The following KIF26B variants were observed in gnomAD, a reference collection of about 807,000 sequenced individuals.
KIF26B encodes the protein kinesin family member 26B.
A neutral mutation model predicts 151.2 loss-of-function variants in KIF26B; 63 were observed. That is an observed-to-expected ratio of 0.42 (90% CI 0.34 to 0.51). The LOEUF is 0.51. Among genes scored for constraint, KIF26B ranks in the 20% least tolerant of loss-of-function variants. The probability of loss-of-function intolerance (pLI) is 0.07; values close to 1 mark genes in which losing one functional copy is unlikely to be tolerated. For synonymous variants in KIF26B, 1,357 were observed against 1,262.1 expected (o/e 1.08, Z -1.59); for missense variants, 2,813 against 2,913.6 (o/e 0.97, Z 0.79).
At position 245,611,774 on chromosome 1, in the gene KIF26B, C is replaced by G; in HGVS notation, c.1915-19C>G. On this transcript the variant is annotated intron_variant, in intron 8 of 14. Coordinates refer to ENST00000407071, the MANE Select transcript of KIF26B (RefSeq NM_018012.4). ...CCCTCCTCAGCCTGCAGCCTCATCT[C>G]TTGGCTTCTGTCTTCCAGCTGCAGA... is the stretch of plus-strand genomic sequence containing the variant. 4 of 1,611,040 alleles carry G rather than the reference C, an allele frequency of 2.5e-6. No homozygotes were observed. The highest frequency in any genetic ancestry group is 3.4e-6 in the Non-Finnish European group (4 of 1,179,086).
chr1:245,180,316 G>GAGAGAGAGAGA (rs762134288), intron 2 of KIF26B, among the ~76,000 whole-genome samples: 1 of 150,874 alleles, frequency 6.6e-6, no homozygotes, highest in African/African-American at 2.4e-5. Flanking sequence ...GAGAGAGAGA[G>GAGAGAGAGAGA]GAGTGGTTAA....
At chr1:245,379,508 GAA>G (rs1673354093) in intron 3 of KIF26B, among the ~76,000 whole-genome samples, 1 of 148,760 alleles carries the variant, frequency 6.7e-6, no homozygotes, top group South Asian at 2.1e-4. Flanking sequence ...GATTCTTACC[GAA>G]CTCTTTGAAA....
chr1:245,692,106 A>G (rs982805768), intron 12 of KIF26B, among the ~76,000 whole-genome samples: 1 of 152,228 alleles, frequency 6.6e-6, no homozygotes, highest in African/African-American at 2.4e-5. Flanking sequence ...TGTTATGGTC[A>G]TGTGATGTCT....
At chr1:245,556,584 TAGAG>T (rs2103113371) in intron 5 of KIF26B, among the ~76,000 whole-genome samples, 1 of 152,252 alleles carries the variant, frequency 6.6e-6, no homozygotes, top group East Asian at 1.9e-4. Context: ...ATTTTTTTGG[TAGAG>T]ATGGGGTTTT....
At chr1:245,439,773 G>A (rs552098464) in intron 4 of KIF26B, among the ~76,000 whole-genome samples, 1 of 152,300 alleles carries the variant, frequency 6.6e-6, no homozygotes, top group African/African-American at 2.4e-5. Flanking sequence ...GGGATGTAAG[G>A]ACTTTGTTGC....
At chr1:245,315,206 A>G (rs1435337934) in intron 2 of KIF26B, among the ~76,000 whole-genome samples, 1 of 152,126 alleles carries the variant, frequency 6.6e-6, no homozygotes, top group Admixed American at 6.5e-5. Context: ...ATAAAAATAA[A>G]TTATTTGGCT....
intron 2 of KIF26B, among the ~76,000 whole-genome samples, chr1:245,307,948 G>T (rs575284246): frequency 1.3e-5 from 2 of 152,192 alleles, no homozygotes; most frequent in African/African-American, 4.8e-5. Flanking sequence ...TACCATGTTG[G>T]CCAGGTCTAC....
At chr1:245,293,455 C>T (rs1671287567) in intron 2 of KIF26B, among the ~76,000 whole-genome samples, 1 of 152,144 alleles carries the variant, frequency 6.6e-6, no homozygotes, top group African/African-American at 2.4e-5. Flanking sequence ...ATCTGATTCC[C>T]CCAGCCCTGG....
chr1:245,531,880 C>G (rs918764490), intron 4 of KIF26B, among the ~76,000 whole-genome samples: 4 of 152,118 alleles, frequency 2.6e-5, no homozygotes, highest in African/African-American at 9.7e-5. Flanking sequence ...GAGGATCACT[C>G]GAGGCGAGGA....
At chr1:245,679,450 TG>T (rs2044400329) in intron 10 of KIF26B, among the ~76,000 whole-genome samples, 13 of 88,692 alleles carry the variant, frequency 1.5e-4, no homozygotes, top group African/African-American at 3.9e-4. Context: ...GTGTTTTTTT[TG>T]TGTGTGTTTT....
intron 2 of KIF26B, among the ~76,000 whole-genome samples, chr1:245,224,312 GATGTA>G: frequency 6.6e-6 from 1 of 151,696 alleles, no homozygotes; most frequent in East Asian, 1.9e-4. Flanking sequence ...AATTCTGTAT[GATGTA>G]ATGGAAGGTC....
At chr1:245,370,117 G>A (rs778735719) in intron 3 of KIF26B, among the ~76,000 whole-genome samples, 2 of 151,982 alleles carry the variant, frequency 1.3e-5, no homozygotes, top group East Asian at 1.9e-4. Context: ...GATGTCACCC[G>A]GATATAAACT....
intron 5 of KIF26B, among the ~76,000 whole-genome samples, chr1:245,590,726 A>G (rs894282474): frequency 1.3e-5 from 2 of 152,158 alleles, no homozygotes; most frequent in Non-Finnish European, 2.9e-5. Context: ...CGGACAACAT[A>G]GAAAAACCCT....
chr1:245,382,459 G>T (rs1452416273), intron 3 of KIF26B, among the ~76,000 whole-genome samples: 3 of 152,046 alleles, frequency 2.0e-5, no homozygotes, highest in South Asian at 4.1e-4. Flanking sequence ...GCCTAAGATT[G>T]CTGTGAAGAT....
chr1:245,489,172 C>G (rs1359963574), intron 4 of KIF26B, among the ~76,000 whole-genome samples: 1 of 152,210 alleles, frequency 6.6e-6, no homozygotes. Context: ...ATGCGCTCAT[C>G]ATAAAGCAGT....
intron 4 of KIF26B, among the ~76,000 whole-genome samples, chr1:245,487,888 A>G (rs1660317251): frequency 6.6e-6 from 1 of 151,614 alleles, no homozygotes; most frequent in Non-Finnish European, 1.5e-5. Context: ...TCCCAGGTTC[A>G]AGCAATCCTC....
At chr1:245,673,551 C>T (rs980681324) in intron 10 of KIF26B, among the ~76,000 whole-genome samples, 1 of 152,250 alleles carries the variant, frequency 6.6e-6, no homozygotes, top group Non-Finnish European at 1.5e-5. Context: ...TGAAAGAACT[C>T]TGAATACACC....
Position 245,563,842 on chromosome 1 carries a change from C to T in KIF26B, c.1350+22892C>T, listed in dbSNP as rs932062216. ...GAAGGAAGCGGGCTCCTGCAGGACC[C>T]GGGAGACAGTGTTGAACTTGACCTT... On this transcript the variant is annotated intron_variant, in intron 5 of 14. Transcript: ENST00000407071. The surrounding 1 kb of genome is among the most constrained non-coding windows in gnomAD (Gnocchi z 4.6). Among the ~76,000 whole-genome samples, 3 of 152,150 alleles carry T rather than the reference C, an allele frequency of 2.0e-5. No homozygotes were observed. The highest frequency in any genetic ancestry group is 1.9e-4 in the East Asian group (1 of 5,190).
rs1384815998 is a variant in KIF26B, at chr1:245,167,031, G to A, written c.465+10348G>A. ...GTGTTATAGACCAGGTTACAGCTGA[G>A]GGACTATTTTGATTTTCCTTTTCTA... On this transcript the variant is annotated intron_variant, in intron 2 of 14. Coordinates refer to ENST00000407071, the MANE Select transcript of KIF26B (RefSeq NM_018012.4). The surrounding 1 kb of genome is among the most constrained non-coding windows in gnomAD (Gnocchi z 4.2). Among the ~76,000 whole-genome samples the A allele has an allele frequency of 2.6e-5, 4 of 152,214 alleles. No individual in the cohort carries two copies. Among genetic ancestry groups the A allele is most frequent in the Non-Finnish European group, 5.9e-5 (4 of 68,046 alleles).
Sources: gnomAD v4.1 joint callset for allele counts (sites outside exome capture counted in the v4.1 genomes callset) on GRCh38, gnomAD v4.1.1 for gene constraint, Gnocchi (gnomAD v3.1) non-coding constraint, MANE v1.5 for transcripts, NCBI Gene and HGNC (gene_info 2026-07-23, HGNC 2026-07-21) for gene names.